ABHD6: variants seen among roughly 807,000 people sequenced by gnomAD.
ABHD6 encodes abhydrolase domain containing 6, acylglycerol lipase.
In ABHD6, 33 loss-of-function variants were observed where a neutral mutation model predicts 38.8. That is an observed-to-expected ratio of 0.85 (90% CI 0.64 to 1.14). The LOEUF (loss-of-function observed/expected upper bound fraction) is 1.14, where lower values mean the gene tolerates loss of function less well. Ranked by LOEUF, ABHD6 falls within the 50% of genes most tolerant of loss-of-function variation. The pLI, the probability that ABHD6 is intolerant of heterozygous loss-of-function variation, is 0.00. For synonymous variants in ABHD6, 147 were observed against 161.6 expected, an observed-to-expected ratio of 0.91 and a Z score of 0.69; for missense variants, 380 against 422.6, an observed-to-expected ratio of 0.90 and a Z score of 0.88.
chr3:58,256,675 G>A lies in ABHD6; in HGVS notation c.89G>A (p.Trp30Ter). 1.2e-6 allele frequency: 2 copies of A among 1,613,220 alleles called. No homozygotes were observed. Among genetic ancestry groups the A allele is most frequent in the Non-Finnish European group, 1.7e-6 (2 of 1,179,950 alleles). Residue 30 changes from tryptophan (W) to a stop codon, truncating the protein, a stop_gained, in exon 3 of 10, where the codon TGG becomes TAG. Coordinates refer to ENST00000478253, the MANE Select transcript of ABHD6 (RefSeq NM_001320126.2). LOFTEE classifies it high-confidence loss of function. This position sits in a 1 kb window ranked among gnomAD's most constrained non-coding sequence, Gnocchi z 4.3. ...GCATTTGTGGCTTCATTTCTTCTGT[G>A]GCCTTCAGCACTGATAAGAATCTAT... ...ILAFVASFLL[W>*]PSALIRIYYW...
At position 58,266,507 on chromosome 3, in the gene ABHD6, G is replaced by A. The variant is rs1037057169; in HGVS notation, c.120-682G>A. 6.7e-6 allele frequency among the ~76,000 whole-genome samples: 1 copy of A among 150,368 alleles called. No individual in the cohort carries two copies. The highest frequency in any genetic ancestry group is 6.6e-5 in the Admixed American group (1 of 15,106). ...GTATGCTCTCACATTTTTTGTATGC[G>A]GATAAAAGTAAATGAATATATATCT... is the stretch of plus-strand genomic sequence containing the variant. On this transcript the variant is annotated intron_variant, in intron 3 of 9. Transcript: ENST00000478253. This position sits in a 1 kb window ranked among gnomAD's most constrained non-coding sequence, Gnocchi z 4.0.
intron 2 of ABHD6, among the ~76,000 whole-genome samples, chr3:58,250,622 G>A (rs993043855): frequency 2.0e-5 from 3 of 152,056 alleles, no homozygotes; most frequent in African/African-American, 4.8e-5. Context: ...GCTGCGGTCC[G>A]AATCATACAA....
chr3:58,285,126 C>T lies in ABHD6; in HGVS notation c.723C>T (p.Asn241=). The stretch of plus-strand genomic sequence containing the variant: ...TCGATGTCCGCATCCCTCATAACAA[C>T]TTCTACCGAAAGTGTAAGTAGCCCT... ...GLVDVRIPHN[N]FYRKLFLEIV... The change falls in exon 8 of 10, where the codon AAC becomes AAT. Residue 241 remains asparagine (N), a synonymous_variant. Transcript: ENST00000478253. This position sits in a 1 kb window ranked among gnomAD's most constrained non-coding sequence, Gnocchi z 4.9. The T allele has an allele frequency of 6.2e-7, 1 of 1,614,172 alleles. No homozygotes were observed. The highest frequency in any genetic ancestry group is 1.6e-4 in the Middle Eastern group (1 of 6,062).
Position 58,271,643 on chromosome 3 carries a change from G to A in ABHD6, c.523+579G>A, listed in dbSNP as rs866858020. On this transcript the variant is annotated intron_variant, in intron 6 of 9. Transcript: ENST00000478253. ...CAACGTGAAGTGTAACATGTTCTCC[G>A]ATATTACCGTTTGAAGTTGGATTTT... 9.2e-5 allele frequency among the ~76,000 whole-genome samples: 14 copies of A among 151,568 alleles called. No individual in the cohort carries two copies. The South Asian group carries it at 1.0e-3, about 11-fold the overall frequency.
Position 58,269,281 on chromosome 3 carries a change from G to T in ABHD6, c.277-40G>T, listed in dbSNP as rs746780751. ...CCAAGAAAATGGGCAGACATGTTTT[G>T]CACACCACATACTGACTCTCTGGGT... On this transcript the variant is annotated intron_variant, in intron 4 of 9. Transcript: ENST00000478253. This position sits in a 1 kb window ranked among gnomAD's most constrained non-coding sequence, Gnocchi z 4.4. The T allele has an allele frequency of 1.3e-6, 2 of 1,513,836 alleles. No individual in the cohort carries two copies. The highest frequency in any genetic ancestry group is 2.7e-5 in the African/African-American group (2 of 73,146). 93.8% of individuals were successfully genotyped at this position (1,513,836 alleles called of 1,614,324 possible). A position where few individuals can be genotyped will look rare whatever the true frequency, so the allele number is the denominator to read the frequency against.
rs1329237336 is a variant in ABHD6, at chr3:58,249,949, A to G, written c.-26+7A>G. 1.3e-5 allele frequency: 2 copies of G among 152,188 alleles called. No individual in the cohort carries two copies. Among genetic ancestry groups the G allele is most frequent in the Admixed American group, 6.5e-5 (1 of 15,278 alleles). The allele number at this position is 152,188 out of a possible 1,614,324, so 9.4% of individuals were successfully genotyped here. ...AGGCTGTGCTCTTTGAAGAGTGAGT[A>G]TGGATTTTAACCACCATAGATTTCC... On this transcript the variant is annotated splice_region_variant and intron_variant, in intron 2 of 9. Coordinates refer to ENST00000478253, the MANE Select transcript of ABHD6 (RefSeq NM_001320126.2).
Position 58,267,187 on chromosome 3 carries a change from A to G in ABHD6, c.120-2A>G. The G allele has an allele frequency of 6.2e-7, 1 of 1,613,710 alleles. No individual in the cohort carries two copies. Among genetic ancestry groups the G allele is most frequent in the South Asian group, 1.1e-5 (1 of 91,026 alleles). Reference sequence around the variant, plus strand: ...TTTGTCTTTATTTCTCACCCCTTCCAGGTACTGGCGGAGGACATTGGGCAT... The same window carrying G: ...TTTGTCTTTATTTCTCACCCCTTCCGGGTACTGGCGGAGGACATTGGGCAT... On this transcript the variant is annotated splice_acceptor_variant, in intron 3 of 9. Transcript: ENST00000478253. LOFTEE classifies it high-confidence loss of function. This position sits in a 1 kb window ranked among gnomAD's most constrained non-coding sequence, Gnocchi z 4.3.
intron 9 of ABHD6, among the ~76,000 whole-genome samples, chr3:58,286,842 G>GTATATATATA (rs1553721703): frequency 1.1e-4 from 4 of 36,412 alleles, no homozygotes; most frequent in African/African-American, 4.4e-4. Context: ...GTGTGTGTGT[G>GTATATATATA]TGTGTGTGTG....
chr3:58,255,337 C>T (rs777775221), intron 2 of ABHD6, among the ~76,000 whole-genome samples: 3 of 152,210 alleles, frequency 2.0e-5, no homozygotes, highest in Non-Finnish European at 4.4e-5. Flanking sequence ...AAGTGAAAAA[C>T]CAAGTTTCCT....
intron 9 of ABHD6, among the ~76,000 whole-genome samples, chr3:58,286,832 G>A (rs1310936426): frequency 0.034 from 2,288 of 67,416 alleles, 162 homozygotes; most frequent in East Asian, 0.084. Context: ...ATGTGTGTGT[G>A]TGTGTGTGTG....
chr3:58,258,512 C>A (rs1208304837), intron 3 of ABHD6: 3 of 302,992 alleles, frequency 9.9e-6, no homozygotes, highest in Non-Finnish European at 2.0e-5. Flanking sequence ...TGCTTCATTG[C>A]CTTTTCATGC....
At chr3:58,291,184 C>G (rs1187779583) in intron 9 of ABHD6, among the ~76,000 whole-genome samples, 1 of 111,320 alleles carries the variant, frequency 9.0e-6, no homozygotes, top group East Asian at 3.1e-4. Context: ...GGAGACCAGC[C>G]TGGCCAACAC....
chr3:58,285,176 A>C lies in ABHD6; in HGVS notation c.736+37A>C. On this transcript the variant is annotated intron_variant, in intron 8 of 9. Coordinates refer to ENST00000478253, the MANE Select transcript of ABHD6 (RefSeq NM_001320126.2). This position sits in a 1 kb window ranked among gnomAD's most constrained non-coding sequence, Gnocchi z 4.9. ...TACTTTCAGCTTGGAGCTTGTTACA[A>C]GTGAAGCTCTGTGGATGGATGGCTT... is the stretch of plus-strand genomic sequence containing the variant. 6.2e-7 allele frequency: 1 copy of C among 1,601,072 alleles called. No individual in the cohort carries two copies. The highest frequency in any genetic ancestry group is 8.6e-7 in the Non-Finnish European group (1 of 1,168,124).
chr3:58,256,566 C>G lies in ABHD6; in HGVS notation c.-21C>G, dbSNP rs2097433472. On this transcript the variant is annotated 5_prime_UTR_variant, in exon 3 of 10. Transcript: ENST00000478253. The surrounding 1 kb of genome is among the most constrained non-coding windows in gnomAD (Gnocchi z 4.3). ...CATTCTCTTTGGCCCCTGCAGGAGT[C>G]AGCCAGCCTGAAAGAGCAGGATGGA... is the stretch of plus-strand genomic sequence containing the variant. 2 of 1,587,338 alleles carry G rather than the reference C, an allele frequency of 1.3e-6. No homozygotes were observed. The highest frequency in any genetic ancestry group is 1.7e-5 in the Admixed American group (1 of 59,288).
chr3:58,254,764 ATGAC>A (rs1418206435), intron 2 of ABHD6, among the ~76,000 whole-genome samples: 1 of 151,492 alleles, frequency 6.6e-6, no homozygotes, highest in East Asian at 1.9e-4. Context: ...GTTGGAGAGA[ATGAC>A]TGGACTTGAA....
At chr3:58,260,763 C>T (rs1173943420) in intron 3 of ABHD6, among the ~76,000 whole-genome samples, 1 of 152,148 alleles carries the variant, frequency 6.6e-6, no homozygotes, top group East Asian at 1.9e-4. Flanking sequence ...GCACCCAGTC[C>T]CCGTTCCCCG....
In ABHD6 at chr3:58,256,384, C is replaced by T. The variant is rs531451770; in HGVS notation, c.-25-178C>T. ...CAAATCCAGGCTCCTCTGAAAAGTTCCTCATTACTTTTAGTTGTCATGTCT... is the reference window on the plus strand; with the variant it reads ...CAAATCCAGGCTCCTCTGAAAAGTTTCTCATTACTTTTAGTTGTCATGTCT... On this transcript the variant is annotated intron_variant, in intron 2 of 9. Transcript: ENST00000478253. This position sits in a 1 kb window ranked among gnomAD's most constrained non-coding sequence, Gnocchi z 4.3. Among the ~76,000 whole-genome samples, 27 of 151,926 alleles carry T rather than the reference C, an allele frequency of 1.8e-4. No homozygotes were observed. The highest frequency in any genetic ancestry group is 3.1e-4 in the Non-Finnish European group (21 of 68,002).
intron 1 of ABHD6, among the ~76,000 whole-genome samples, chr3:58,241,408 C>T (rs1040837827): frequency 3.9e-5 from 6 of 152,172 alleles, no homozygotes; most frequent in African/African-American, 1.4e-4. Flanking sequence ...CTGTGCGGCT[C>T]TCTGGTGCTG....
At chr3:58,247,214 G>A (rs6772264) in intron 1 of ABHD6, among the ~76,000 whole-genome samples, 64,503 of 151,728 alleles carry the variant, frequency 0.43, 14,799 homozygotes, top group African/African-American at 0.61. Flanking sequence ...TGTTGCCCAG[G>A]CTTGTCTCTA....
Sources: gnomAD v4.1 joint callset for allele counts (sites outside exome capture counted in the v4.1 genomes callset) on GRCh38, gnomAD v4.1.1 for gene constraint, Gnocchi (gnomAD v3.1) non-coding constraint, MANE v1.5 for transcripts, NCBI Gene and HGNC (gene_info 2026-07-23, HGNC 2026-07-21) for gene names.